Variants in PLXDC2 observed in about 807,000 individuals in gnomAD.
PLXDC2 encodes plexin domain-containing protein 2.
Under a neutral mutation model 68.9 loss-of-function variants are expected in PLXDC2, and 40 were observed. The ratio of observed to expected loss-of-function variants is 0.58; its 90% CI spans 0.45 to 0.76. The LOEUF is 0.76. PLXDC2 is among the 30% of genes least tolerant of loss of function. The pLI, the probability that PLXDC2 is intolerant of heterozygous loss-of-function variation, is 0.00. For synonymous variants in PLXDC2, 243 were observed against 234.2 expected (o/e 1.04, Z -0.34); for missense variants, 644 against 661.9 (o/e 0.97, Z 0.30).
chr10:20,056,715 G>A (rs899686656), intron 3 of PLXDC2, among the ~76,000 whole-genome samples: 1 of 152,076 alleles, frequency 6.6e-6, no homozygotes, highest in African/African-American at 2.4e-5. Flanking sequence ...TCATATTTGA[G>A]TTCCTATTTC....
intron 4 of PLXDC2, among the ~76,000 whole-genome samples, chr10:20,076,379 T>A (rs1391255668): frequency 6.6e-6 from 1 of 152,198 alleles, no homozygotes; most frequent in Non-Finnish European, 1.5e-5. Context: ...AACTGTATGA[T>A]CTTCAGCAAA....
intron 1 of PLXDC2, among the ~76,000 whole-genome samples, chr10:19,930,974 A>G (rs1376503977): frequency 6.6e-6 from 1 of 151,720 alleles, no homozygotes; most frequent in Non-Finnish European, 1.5e-5. Context: ...AAAGAAAGAA[A>G]GAGAGAGAGA....
intron 12 of PLXDC2, among the ~76,000 whole-genome samples, chr10:20,242,710 A>G (rs1835532843): frequency 6.6e-6 from 1 of 152,100 alleles, no homozygotes; most frequent in African/African-American, 2.4e-5. Flanking sequence ...TTGGAGGTGC[A>G]ATGTTAATCC....
chr10:19,974,310 AC>A (rs1834412568), intron 1 of PLXDC2, among the ~76,000 whole-genome samples: 1 of 152,228 alleles, frequency 6.6e-6, no homozygotes, highest in Non-Finnish European at 1.5e-5. Flanking sequence ...TCCTCATTGG[AC>A]CATGAGATGT....
intron 1 of PLXDC2, among the ~76,000 whole-genome samples, chr10:19,849,418 G>A (rs1030106975): frequency 1.3e-5 from 2 of 152,024 alleles, no homozygotes; most frequent in African/African-American, 4.8e-5. Context: ...TTTGGCTGTG[G>A]CCCCACCCGA....
At chr10:20,105,144 C>A (rs1833475051) in intron 4 of PLXDC2, among the ~76,000 whole-genome samples, 1 of 150,780 alleles carries the variant, frequency 6.6e-6, no homozygotes, top group African/African-American at 2.4e-5. Context: ...CCTTAAGGAA[C>A]AAGGTGATGC....
At chr10:19,941,564 TA>T (rs1015295993) in intron 1 of PLXDC2, among the ~76,000 whole-genome samples, 10 of 152,212 alleles carry the variant, frequency 6.6e-5, no homozygotes, top group African/African-American at 2.4e-4. Flanking sequence ...GAACCTTTTT[TA>T]GGAATTCATC....
intron 3 of PLXDC2, among the ~76,000 whole-genome samples, chr10:20,058,940 C>T (rs1045672196): frequency 6.6e-6 from 1 of 152,134 alleles, no homozygotes; most frequent in Non-Finnish European, 1.5e-5. Flanking sequence ...TCCAAAGTTT[C>T]CTTACAGCAA....
intron 1 of PLXDC2, among the ~76,000 whole-genome samples, chr10:19,864,892 T>C (rs1260152725): frequency 6.6e-6 from 1 of 152,028 alleles, no homozygotes; most frequent in Non-Finnish European, 1.5e-5. Context: ...CGGGGCTTCC[T>C]CCCCTGAGTT....
intron 2 of PLXDC2, among the ~76,000 whole-genome samples, chr10:20,030,979 A>G (rs894871905): frequency 6.6e-6 from 1 of 152,114 alleles, no homozygotes; most frequent in African/African-American, 2.4e-5. Flanking sequence ...GGAGATAGAG[A>G]CCCTAAACAT....
intron 1 of PLXDC2, among the ~76,000 whole-genome samples, chr10:19,920,352 G>A (rs1329291349): frequency 6.6e-6 from 1 of 152,168 alleles, no homozygotes; most frequent in Non-Finnish European, 1.5e-5. Flanking sequence ...GACCAACCTG[G>A]CCTGCCACAC....
chr10:19,824,989 T>C (rs928407599), intron 1 of PLXDC2, among the ~76,000 whole-genome samples: 19 of 152,106 alleles, frequency 1.2e-4, no homozygotes, highest in African/African-American at 4.3e-4. Context: ...TATCCAGACT[T>C]TTAAATCTCT....
intron 6 of PLXDC2, among the ~76,000 whole-genome samples, chr10:20,155,386 A>G (rs1156332232): frequency 1.3e-5 from 2 of 152,222 alleles, no homozygotes; most frequent in African/African-American, 4.8e-5. Flanking sequence ...TTCTATAACT[A>G]TTGCTACATC....
chr10:19,925,708 A>G (rs372398799), intron 1 of PLXDC2, among the ~76,000 whole-genome samples: 1 of 152,202 alleles, frequency 6.6e-6, no homozygotes, highest in East Asian at 1.9e-4. Context: ...GGGGTGACAG[A>G]GAGTAGTTGA....
At chr10:20,049,518 A>T (rs1835855705) in intron 3 of PLXDC2, among the ~76,000 whole-genome samples, 1 of 152,114 alleles carries the variant, frequency 6.6e-6, no homozygotes, top group Non-Finnish European at 1.5e-5. Flanking sequence ...AAGTTTCAGG[A>T]TACAAAATAA....
intron 2 of PLXDC2, among the ~76,000 whole-genome samples, chr10:20,023,659 T>G (rs1835350797): frequency 2.6e-5 from 4 of 152,168 alleles, no homozygotes; most frequent in Admixed American, 1.3e-4. Context: ...AATACATTTC[T>G]GTTCATTATA....
chr10:19,894,013 GA>G (rs1289820236), intron 1 of PLXDC2, among the ~76,000 whole-genome samples: 1 of 152,100 alleles, frequency 6.6e-6, no homozygotes, highest in Non-Finnish European at 1.5e-5. Flanking sequence ...CTCTTCCCAC[GA>G]ATGGAGTAAA....
rs1185509800 is a variant in PLXDC2, at chr10:20,287,310, T to G, written c.*7491T>G. The G allele has an allele frequency of 6.6e-6, 1 of 152,130 alleles. No individual in the cohort carries two copies. The highest frequency in any genetic ancestry group is 2.4e-5 in the African/African-American group (1 of 41,430). 9.4% of individuals were successfully genotyped at this position (152,130 alleles called of 1,614,324 possible). On this transcript the variant is annotated 3_prime_UTR_variant, in exon 14 of 14. Coordinates refer to ENST00000377252, the MANE Select transcript of PLXDC2 (RefSeq NM_032812.9). The stretch of plus-strand genomic sequence containing the variant: ...GAATGACCAAAAAGAGACTTTCCAT[T>G]TATCTTCCTTTGACTTAAAAGGCAT...
At chr10:20,275,984 C>T (rs776825621) in intron 13 of PLXDC2, among the ~76,000 whole-genome samples, 11 of 151,940 alleles carry the variant, frequency 7.2e-5, no homozygotes, top group Non-Finnish European at 1.5e-4. Flanking sequence ...ACAATACTCT[C>T]GTTCATTTAG....
Sources: gnomAD v4.1 joint callset for allele counts (sites outside exome capture counted in the v4.1 genomes callset) on GRCh38, gnomAD v4.1.1 for gene constraint, MANE v1.5 for transcripts, NCBI Gene and HGNC (gene_info 2026-07-23, HGNC 2026-07-21) for gene names.